The following HTT variants were observed in gnomAD, a reference collection of about 807,000 sequenced individuals.
HTT encodes huntingtin, also known as huntington disease protein.
A neutral mutation model predicts 362.3 loss-of-function variants in HTT; 104 were observed. The ratio of observed to expected loss-of-function variants is 0.29; its 90% CI spans 0.24 to 0.34. HTT has a LOEUF of 0.34. Among genes scored for constraint, HTT ranks in the 10% least tolerant of loss-of-function variants. The pLI, the probability that HTT is intolerant of heterozygous loss-of-function variation, is 1.00. For synonymous variants in HTT, 1,577 were observed against 1,548.7 expected (o/e 1.02, Z -0.43); for missense variants, 3,301 against 3,928.6 (o/e 0.84, Z 4.27).
intron 37 of HTT, among the ~76,000 whole-genome samples, chr4:3,183,290 C>T (rs1718612725): frequency 6.6e-6 from 1 of 152,198 alleles, no homozygotes; most frequent in South Asian, 2.1e-4. Context: ...GCAGCCTGCC[C>T]CCAGTCAGGC....
At chr4:3,192,811 G>A (rs1439999757) in intron 40 of HTT, among the ~76,000 whole-genome samples, 1 of 152,220 alleles carries the variant, frequency 6.6e-6, no homozygotes, top group African/African-American at 2.4e-5. Context: ...ATATCTTAGA[G>A]TAAAAGATAG....
At chr4:3,075,191 C>T (rs1712451467) in intron 1 of HTT, 103 bp downstream of exon 1, 3 of 1,083,298 alleles carry the variant, frequency 2.8e-6, no homozygotes, top group Non-Finnish European at 3.4e-6. Context: ...GAACCCCCGG[C>T]CCCGCAGAGA....
chr4:3,225,357 A>G (rs1245677188), intron 56 of HTT, among the ~76,000 whole-genome samples: 6 of 152,186 alleles, frequency 3.9e-5, no homozygotes, highest in Admixed American at 3.9e-4. Flanking sequence ...TCAGCCCACA[A>G]CCAGTTCCTA....
Position 3,131,384 on chromosome 4 carries a change from AG to A in HTT, c.2090del (p.Gly697GlufsTer11). The stretch of plus-strand genomic sequence containing the variant: ...TTTTATCTGCTTCGTTTTTGCTAAC[AG>A]GGGGAAAAAATGGTGAGTACAAAAG... ...RLLSASFLLT[G>X]GKNVLVPDRD... is the part of the protein sequence containing the mutation. On this transcript the variant is annotated frameshift_variant, in exon 15 of 67. Transcript: ENST00000355072. LOFTEE classifies it high-confidence loss of function. 1 of 1,612,918 alleles carries A rather than the reference AG, an allele frequency of 6.2e-7. No individual in the cohort carries two copies. Among genetic ancestry groups the A allele is most frequent in the Non-Finnish European group, 8.5e-7 (1 of 1,178,978 alleles).
At chr4:3,213,638 T>A (rs1446951265) in intron 49 of HTT, among the ~76,000 whole-genome samples, 1 of 152,214 alleles carries the variant, frequency 6.6e-6, no homozygotes, top group Non-Finnish European at 1.5e-5. Flanking sequence ...GCCCTGGTGC[T>A]GTGGGAGCCC....
At chr4:3,197,438 C>T (rs1719302867) in intron 40 of HTT, among the ~76,000 whole-genome samples, 1 of 152,010 alleles carries the variant, frequency 6.6e-6, no homozygotes, top group South Asian at 2.1e-4. Flanking sequence ...ATAGTATGTT[C>T]CTCCTCCCGC....
At chr4:3,092,203 T>C (rs1713547854) in intron 2 of HTT, among the ~76,000 whole-genome samples, 1 of 152,008 alleles carries the variant, frequency 6.6e-6, no homozygotes, top group Admixed American at 6.6e-5. Context: ...TTTGTATTTT[T>C]AGTAGAGATG....
chr4:3,097,160 T>C (rs1301992014), intron 2 of HTT, among the ~76,000 whole-genome samples: 2 of 152,048 alleles, frequency 1.3e-5, no homozygotes, highest in Non-Finnish European at 2.9e-5. Context: ...ATCATAAAGA[T>C]AGGAGCAGAA....
Position 3,223,441 on chromosome 4 carries a change from C to G in HTT, c.7506C>G (p.Ala2502=), listed in dbSNP as rs182132217. 1 of 1,607,352 alleles carries G rather than the reference C, an allele frequency of 6.2e-7. No homozygotes were observed. Among genetic ancestry groups the G allele is most frequent in the Non-Finnish European group, 8.5e-7 (1 of 1,176,654 alleles). The stretch of plus-strand genomic sequence containing the variant: ...AGAGGACCCAGATCAACGTCCTGGC[C>G]GTGCAGGCCATCACCTCACTGGTGC... ...DTERTQINVL[A]VQAITSLVLS... is the part of the protein sequence containing the mutation. The change falls in exon 55 of 67, where the codon GCC becomes GCG. Residue 2502 remains alanine (A), a synonymous_variant. Coordinates refer to ENST00000355072, the MANE Select transcript of HTT (RefSeq NM_001388492.1).
chr4:3,193,108 C>T (rs1356547999), intron 40 of HTT, among the ~76,000 whole-genome samples: 3 of 152,220 alleles, frequency 2.0e-5, no homozygotes, highest in Admixed American at 1.3e-4. Context: ...AGAGTACAGG[C>T]AGGCAGGCAG....
chr4:3,155,911 A>G (rs181196212), intron 27 of HTT, among the ~76,000 whole-genome samples: 3,418 of 151,920 alleles, frequency 0.022, 124 homozygotes, highest in African/African-American at 0.075. Context: ...AAAAAAAAAA[A>G]AAGAAGAAAT....
At position 3,186,603 on chromosome 4, in the gene HTT, A is replaced by G. The variant is rs761162561; in HGVS notation, c.4873A>G (p.Ile1625Val). The G allele has an allele frequency of 5.0e-6, 8 of 1,613,064 alleles. No individual in the cohort carries two copies. Among genetic ancestry groups the G allele is most frequent in the African/African-American group, 1.3e-5 (1 of 74,912 alleles). The change falls in exon 38 of 67, where the codon ATT (isoleucine) becomes GTT (valine). Residue 1625 changes from isoleucine (I) to valine (V), a missense_variant. This residue lies in a region of HTT where 2,316 missense variants were observed against 2,658.5 expected (regional missense o/e 0.87). Transcript: ENST00000355072. ...GTGGTGTCTAATTCCACAGATGCACATTGACTCTCATGAAGCCCTTGGAGT... is the reference window on the plus strand; with the variant it reads ...GTGGTGTCTAATTCCACAGATGCACGTTGACTCTCATGAAGCCCTTGGAGT... ...LPMLAKQQMH[I>V]DSHEALGVLN...
At chr4:3,233,082 G>A (rs181880555) in intron 60 of HTT, 81 bp from the exon 61 acceptor site, 87 of 1,203,558 alleles carry the variant, frequency 7.2e-5, no homozygotes, top group Non-Finnish European at 1.0e-4. Flanking sequence ...TGAGGGCAGC[G>A]CCCCCGCCTC....
chr4:3,210,678 C>T (rs375539294), intron 47 of HTT, among the ~76,000 whole-genome samples: 18 of 152,066 alleles, frequency 1.2e-4, no homozygotes, highest in Non-Finnish European at 1.5e-4. Flanking sequence ...CCTACTAGGA[C>T]GGGAGAAACC....
chr4:3,206,793 C>T lies in HTT; in HGVS notation c.5899-14C>T. Reference sequence around the variant, plus strand: ...AAAATAGTCATCTTTTGTTCTTTTCCTTCTTGCTGTTAGCCAACCATGCTG... The same window carrying T: ...AAAATAGTCATCTTTTGTTCTTTTCTTTCTTGCTGTTAGCCAACCATGCTG... On this transcript the variant is annotated splice_polypyrimidine_tract_variant and intron_variant, in intron 43 of 66. Transcript: ENST00000355072. This position sits in a 1 kb window ranked among gnomAD's most constrained non-coding sequence, Gnocchi z 4.6. The T allele has an allele frequency of 1.9e-6, 3 of 1,592,158 alleles. No homozygotes were observed. Among genetic ancestry groups the T allele is most frequent in the Non-Finnish European group, 2.6e-6 (3 of 1,167,316 alleles).
intron 1 of HTT, among the ~76,000 whole-genome samples, chr4:3,085,169 G>T (rs1290084913): frequency 6.6e-6 from 1 of 151,722 alleles, no homozygotes; most frequent in African/African-American, 2.4e-5. Flanking sequence ...AGACAGTCTG[G>T]CTCTGTTCCC....
Position 3,172,841 on chromosome 4 carries a change from T to A in HTT, c.3943-67T>A, listed in dbSNP as rs376854442. 33 of 1,074,408 alleles carry A rather than the reference T, an allele frequency of 3.1e-5. 1 individual carries two copies. The highest frequency in any genetic ancestry group is 2.4e-4 in the East Asian group (10 of 42,306). 66.6% of individuals were successfully genotyped at this position (1,074,408 alleles called of 1,614,324 possible). On this transcript the variant is annotated intron_variant, in intron 30 of 66. Coordinates refer to ENST00000355072, the MANE Select transcript of HTT (RefSeq NM_001388492.1). ...AGTTATTTACAGATGGATTTGATATTTGTGTGGGAGATTCTTAAAAGTGTT... is the reference window on the plus strand; with the variant it reads ...AGTTATTTACAGATGGATTTGATATATGTGTGGGAGATTCTTAAAAGTGTT...
rs1266799332 is a variant in HTT, at chr4:3,172,412, C to G, written c.3942+15C>G. The G allele has an allele frequency of 4.5e-6, 7 of 1,551,866 alleles. No individual in the cohort carries two copies. The highest frequency in any genetic ancestry group is 3.4e-4 in the Middle Eastern group (2 of 5,970). On this transcript the variant is annotated intron_variant, in intron 30 of 66. Coordinates refer to ENST00000355072, the MANE Select transcript of HTT (RefSeq NM_001388492.1). Reference sequence around the variant, plus strand: ...GTGTTCAACAAGTAAGAGCTTCATTCTTTTCCTCTTCTGTTAAGACGTTCG... The same window carrying G: ...GTGTTCAACAAGTAAGAGCTTCATTGTTTTCCTCTTCTGTTAAGACGTTCG...
intron 29 of HTT, among the ~76,000 whole-genome samples, chr4:3,165,984 A>G (rs1055688217): frequency 1.3e-5 from 2 of 152,134 alleles, no homozygotes; most frequent in African/African-American, 2.4e-5. Context: ...TTGGAGGAGA[A>G]GAGGTGTTCT....
Sources: gnomAD v4.1 joint callset for allele counts (sites outside exome capture counted in the v4.1 genomes callset) on GRCh38, gnomAD v4.1.1 for gene constraint, gnomAD v4.1.1 regional missense constraint, Gnocchi (gnomAD v3.1) non-coding constraint, MANE v1.5 for transcripts, NCBI Gene and HGNC (gene_info 2026-07-23, HGNC 2026-07-21) for gene names.